PPM1L: variants seen among roughly 807,000 people sequenced by gnomAD.
PPM1L encodes protein phosphatase, Mg2+/Mn2+ dependent 1L, also known as protein phosphatase 1L.
In PPM1L, 13 loss-of-function variants were observed where a neutral mutation model predicts 31.4. The observed-to-expected ratio is 0.41, with a 90% confidence interval of 0.27 to 0.66. The LOEUF is 0.66. PPM1L is among the 30% of genes least tolerant of loss of function. The pLI is 0.29. For synonymous variants in PPM1L, 184 were observed against 175.4 expected (o/e 1.05, Z -0.39); for missense variants, 326 against 453.7 (o/e 0.72, Z 2.56).
chr3:160,839,757 C>T (rs890964957), intron 1 of PPM1L, among the ~76,000 whole-genome samples: 2 of 152,136 alleles, frequency 1.3e-5, no homozygotes, highest in South Asian at 2.1e-4. Context: ...AGTGAAATTT[C>T]GAATCTCTTT....
rs542053507 is a variant in PPM1L at position 160,932,202 on chromosome 3, T to C, written c.400-29534T>C. On this transcript the variant is annotated intron_variant, in intron 1 of 3. Coordinates refer to ENST00000498165, the MANE Select transcript of PPM1L (RefSeq NM_139245.4). ...TGAACACAGAGCAATTTGACTTGAC[T>C]GAAATAGGATGGATTGAGAAAAGCC... Among the ~76,000 whole-genome samples, 9 of 152,324 alleles carry C rather than the reference T, an allele frequency of 5.9e-5. No individual in the cohort carries two copies. The South Asian group carries it at 1.9e-3, about 32-fold the overall frequency.
chr3:161,062,773 G>C (rs1289740134), intron 2 of PPM1L, among the ~76,000 whole-genome samples: 1 of 152,100 alleles, frequency 6.6e-6, no homozygotes, highest in Non-Finnish European at 1.5e-5. Flanking sequence ...AATGCGGCTG[G>C]GGAAGGGGCC....
chr3:160,818,108 G>A (rs1253753254), intron 1 of PPM1L, among the ~76,000 whole-genome samples: 1 of 151,938 alleles, frequency 6.6e-6, no homozygotes, highest in Non-Finnish European at 1.5e-5. Context: ...AAAAAGAAAG[G>A]AATTTGAAGA....
At chr3:161,012,247 A>G (rs1004221084) in intron 2 of PPM1L, among the ~76,000 whole-genome samples, 1 of 152,126 alleles carries the variant, frequency 6.6e-6, no homozygotes, top group East Asian at 1.9e-4. Context: ...AATTTTGTCA[A>G]AGGCCTTTTC....
At chr3:160,998,081 A>G (rs899457085) in intron 2 of PPM1L, among the ~76,000 whole-genome samples, 15 of 152,206 alleles carry the variant, frequency 9.9e-5, no homozygotes, top group Non-Finnish European at 1.9e-4. Context: ...CTATTATGTA[A>G]TTACTTTATA....
chr3:161,019,798 CT>C (rs1341575027), intron 2 of PPM1L, among the ~76,000 whole-genome samples: 3 of 152,060 alleles, frequency 2.0e-5, no homozygotes, highest in African/African-American at 7.2e-5. Flanking sequence ...ATTAGTTGGC[CT>C]TTTTCTCTAA....
At chr3:160,844,518 C>A (rs921674302) in intron 1 of PPM1L, among the ~76,000 whole-genome samples, 4 of 152,226 alleles carry the variant, frequency 2.6e-5, no homozygotes, top group African/African-American at 4.8e-5. Context: ...AAATACTTGT[C>A]TTTTGCCAGA....
At chr3:160,849,245 G>A (rs1039688174) in intron 1 of PPM1L, among the ~76,000 whole-genome samples, 1 of 152,060 alleles carries the variant, frequency 6.6e-6, no homozygotes, top group Non-Finnish European at 1.5e-5. Context: ...CCTGCCCTAG[G>A]ATTCTTTGGA....
At chr3:160,786,437 C>T (rs1269208488) in intron 1 of PPM1L, among the ~76,000 whole-genome samples, 7 of 151,102 alleles carry the variant, frequency 4.6e-5, no homozygotes, top group African/African-American at 7.3e-5. Flanking sequence ...CGGCTGGTCT[C>T]GAACTCCTGA....
intron 2 of PPM1L, among the ~76,000 whole-genome samples, chr3:161,013,167 G>A (rs1319224913): frequency 4.6e-5 from 7 of 152,112 alleles, no homozygotes; most frequent in South Asian, 2.1e-4. Context: ...ATTTAGTGCT[G>A]TAAATTTCCC....
At chr3:160,972,321 G>T (rs1233911651) in intron 2 of PPM1L, among the ~76,000 whole-genome samples, 2 of 151,534 alleles carry the variant, frequency 1.3e-5, no homozygotes, top group South Asian at 2.1e-4. Context: ...TTAACATTAG[G>T]TATATCTCCT....
At chr3:160,851,903 T>C (rs778001379) in intron 1 of PPM1L, among the ~76,000 whole-genome samples, 1 of 152,204 alleles carries the variant, frequency 6.6e-6, no homozygotes, top group Non-Finnish European at 1.5e-5. Flanking sequence ...CTGGTTTTGC[T>C]CTTCATAGGA....
intron 1 of PPM1L, among the ~76,000 whole-genome samples, chr3:160,910,295 C>T (rs13062163): frequency 0.88 from 82,321 of 93,340 alleles, 36,780 homozygotes; most frequent in Middle Eastern, 0.95. Context: ...TCCCCTTCCC[C>T]GTTCCCTTCC....
chr3:160,969,196 A>G (rs981899479), intron 2 of PPM1L, among the ~76,000 whole-genome samples: 1 of 152,190 alleles, frequency 6.6e-6, no homozygotes, highest in African/African-American at 2.4e-5. Flanking sequence ...ATGTAGCTCT[A>G]CCTGCAGGTG....
intron 1 of PPM1L, among the ~76,000 whole-genome samples, chr3:160,861,835 C>T (rs1226536466): frequency 6.6e-6 from 1 of 152,142 alleles, no homozygotes; most frequent in Admixed American, 6.5e-5. Flanking sequence ...TAGAGACTGG[C>T]CAGTCTTTGG....
chr3:160,827,353 T>A (rs1713384134), intron 1 of PPM1L, among the ~76,000 whole-genome samples: 1 of 151,812 alleles, frequency 6.6e-6, no homozygotes, highest in Non-Finnish European at 1.5e-5. Context: ...AATTGACCAA[T>A]AATATTTCTT....
intron 1 of PPM1L, among the ~76,000 whole-genome samples, chr3:160,875,896 A>G (rs1712491340): frequency 6.6e-6 from 1 of 152,148 alleles, no homozygotes; most frequent in Non-Finnish European, 1.5e-5. Flanking sequence ...GTCCTGGATT[A>G]TCCTTAAGAC....
At chr3:160,821,106 G>A (rs531680990) in intron 1 of PPM1L, among the ~76,000 whole-genome samples, 1 of 152,088 alleles carries the variant, frequency 6.6e-6, no homozygotes, top group South Asian at 2.1e-4. Context: ...AGCGGTGTGT[G>A]CTGTATGAGA....
chr3:160,800,061 T>C (rs1712378334), intron 1 of PPM1L, among the ~76,000 whole-genome samples: 1 of 152,192 alleles, frequency 6.6e-6, no homozygotes, highest in Non-Finnish European at 1.5e-5. Context: ...TATTTTTTAT[T>C]CATGCCACAT....
Sources: gnomAD v4.1 joint callset for allele counts (sites outside exome capture counted in the v4.1 genomes callset) on GRCh38, gnomAD v4.1.1 for gene constraint, MANE v1.5 for transcripts, NCBI Gene and HGNC (gene_info 2026-07-23, HGNC 2026-07-21) for gene names.